Variants in LARP4 observed in about 807,000 individuals in gnomAD.
The protein encoded by LARP4 is La ribonucleoprotein 4, also known as la-related protein 4.
LARP4 carries 29 observed loss-of-function variants against 92.9 expected under a neutral mutation model. The ratio of observed to expected loss-of-function variants is 0.31; its 90% CI spans 0.23 to 0.43. The LOEUF is 0.43. Ranked by LOEUF, LARP4 falls within the 20% of genes least tolerant of loss-of-function variation. LARP4 has a pLI of 1.00. For synonymous variants in LARP4, 279 were observed against 284.1 expected (o/e 0.98, Z 0.18); for missense variants, 732 against 860.0 (o/e 0.85, Z 1.86).
Position 50,427,846 on chromosome 12 carries a change from G to C in LARP4, c.103G>C (p.Val35Leu). The C allele has an allele frequency of 6.2e-7, 1 of 1,604,816 alleles. No homozygotes were observed. Among genetic ancestry groups the C allele is most frequent in the Non-Finnish European group, 8.5e-7 (1 of 1,173,690 alleles). ...IAPGNTDATP[V>L]THGTESSWHE... ...TCCTGGAAATACTGATGCCACCCCA[G>C]TAACTCATGGAACTGAAAGCTCTTG... The change falls in exon 2 of 16, where the codon GTA (valine) becomes CTA (leucine). Residue 35 changes from valine to leucine, a missense_variant. Physicochemically the swap from Val to Leu is conservative, Grantham distance 32 (BLOSUM62 1). Coordinates refer to ENST00000398473, the MANE Select transcript of LARP4 (RefSeq NM_052879.5).
chr12:50,458,644 G>A (rs993212368), intron 10 of LARP4, among the ~76,000 whole-genome samples: 2 of 152,186 alleles, frequency 1.3e-5, no homozygotes, highest in East Asian at 1.9e-4. Context: ...TATATAAACT[G>A]CAAATAATGG....
intron 1 of LARP4, among the ~76,000 whole-genome samples, chr12:50,425,485 A>T (rs980368186): frequency 1.3e-5 from 2 of 152,222 alleles, no homozygotes; most frequent in African/African-American, 2.4e-5. Context: ...AAAATGCTTA[A>T]TGTCAAATAC....
rs1955303242 is a variant in LARP4, at chr12:50,461,132, T to C, written c.1122-3T>C. The C allele has an allele frequency of 1.2e-6, 2 of 1,608,598 alleles. No homozygotes were observed. The highest frequency in any genetic ancestry group is 1.7e-6 in the Non-Finnish European group (2 of 1,175,002). On this transcript the variant is annotated splice_region_variant and splice_polypyrimidine_tract_variant and intron_variant, in intron 10 of 15. Coordinates refer to ENST00000398473, the MANE Select transcript of LARP4 (RefSeq NM_052879.5). ...TGTGTATATCATTTTGTATTTCCTA[T>C]AGTGTGAAGCCTCAGTTTAGGTCAT...
At chr12:50,464,566 T>A (rs1955887862) in intron 12 of LARP4, among the ~76,000 whole-genome samples, 1 of 152,036 alleles carries the variant, frequency 6.6e-6, no homozygotes, top group Non-Finnish European at 1.5e-5. Flanking sequence ...TAATTTTTTG[T>A]ATTTTTAGTA....
At chr12:50,421,729 C>G (rs1387611596) in intron 1 of LARP4, among the ~76,000 whole-genome samples, 1 of 152,118 alleles carries the variant, frequency 6.6e-6, no homozygotes, top group Non-Finnish European at 1.5e-5. Context: ...GGTCTGGTTA[C>G]TATAGCAGGT....
rs994832175 is a variant in LARP4, at chr12:50,478,327, G to A, written c.*2463G>A. 2.6e-5 allele frequency: 4 copies of A among 151,946 alleles called. No homozygotes were observed. Among genetic ancestry groups the A allele is most frequent in the Admixed American group, 2.6e-4 (4 of 15,258 alleles). 9.4% of individuals were successfully genotyped at this position (151,946 alleles called of 1,614,324 possible). On this transcript the variant is annotated 3_prime_UTR_variant, in exon 16 of 16. Transcript: ENST00000398473. ...TATAGGGAAGAGTGAGAGAGTGTGT[G>A]TGTGTGTATGTGTGTGTAATATTTA...
intron 8 of LARP4, among the ~76,000 whole-genome samples, chr12:50,446,380 T>TCCCCCCC (rs1952102965): frequency 1.9e-4 from 1 of 5,350 alleles, no homozygotes; most frequent in African/African-American, 1.9e-3. Flanking sequence ...TCTCTCTCTC[T>TCCCCCCC]CTCTCTCTCT....
intron 10 of LARP4, among the ~76,000 whole-genome samples, chr12:50,460,780 CAA>C (rs374993914): frequency 6.6e-6 from 1 of 151,946 alleles, no homozygotes; most frequent in African/African-American, 2.4e-5. Context: ...CTCTACTAAA[CAA>C]AATACAAAAA....
intron 1 of LARP4, among the ~76,000 whole-genome samples, chr12:50,407,738 G>A (rs1945109346): frequency 6.6e-6 from 1 of 152,082 alleles, no homozygotes; most frequent in Non-Finnish European, 1.5e-5. Flanking sequence ...TTGGGAGGCT[G>A]AGGCACACCT....
chr12:50,460,489 A>G (rs1955177433), intron 10 of LARP4, among the ~76,000 whole-genome samples: 1 of 140,776 alleles, frequency 7.1e-6, no homozygotes, highest in Non-Finnish European at 1.6e-5. Context: ...ACCACTGCAC[A>G]TTTTAATTTT....
Position 50,429,005 on chromosome 12 carries a change from A to C in LARP4, c.237A>C (p.Thr79=), listed in dbSNP as rs369071759. The part of the protein sequence containing the change: ...EVMYSSSCET[T]RNTTGIEEST... Reference sequence around the variant, plus strand: ...TGTATTCTTCATCTTGTGAAACCACAAGAAATACTACAGGCATTGAAGAAT... The same window carrying C: ...TGTATTCTTCATCTTGTGAAACCACCAGAAATACTACAGGCATTGAAGAAT... The change falls in exon 3 of 16, where the codon ACA becomes ACC. Residue 79 remains threonine (T), a synonymous_variant. Transcript: ENST00000398473. 1 of 1,610,934 alleles carries C rather than the reference A, an allele frequency of 6.2e-7. No individual in the cohort carries two copies. Among genetic ancestry groups the C allele is most frequent in the Admixed American group, 1.7e-5 (1 of 59,898 alleles).
At chr12:50,406,542 C>T (rs1347421833) in intron 1 of LARP4, among the ~76,000 whole-genome samples, 2 of 152,114 alleles carry the variant, frequency 1.3e-5, no homozygotes, top group African/African-American at 4.8e-5. Context: ...ACTGTGTTGT[C>T]CAGGCTGGAG....
At chr12:50,475,378 G>T (rs1265105694) in intron 15 of LARP4, 148 bp from the exon 16 acceptor site, 2 of 628,642 alleles carry the variant, frequency 3.2e-6, no homozygotes, top group Non-Finnish European at 2.8e-6. Context: ...GATTGTACCA[G>T]TGTACTCTAA....
At chr12:50,450,400 T>C (rs2138136040) in intron 8 of LARP4, among the ~76,000 whole-genome samples, 1 of 152,332 alleles carries the variant, frequency 6.6e-6, no homozygotes, top group African/African-American at 2.4e-5. Flanking sequence ...GTAGTATTTG[T>C]GTCTACTGGT....
chr12:50,434,599 G>A (rs1368822592), intron 4 of LARP4, among the ~76,000 whole-genome samples: 1 of 150,540 alleles, frequency 6.6e-6, no homozygotes, highest in Non-Finnish European at 1.5e-5. Context: ...TAGAGACGGG[G>A]TTTCACCATG....
intron 13 of LARP4, among the ~76,000 whole-genome samples, chr12:50,470,983 A>G (rs1263321330): frequency 6.6e-6 from 1 of 152,138 alleles, no homozygotes; most frequent in African/African-American, 2.4e-5. Flanking sequence ...TTTGTTTTAC[A>G]ACCCTTTAAT....
At chr12:50,451,510 C>T in intron 8 of LARP4, among the ~76,000 whole-genome samples, 1 of 152,024 alleles carries the variant, frequency 6.6e-6, no homozygotes, top group Middle Eastern at 3.2e-3. Flanking sequence ...CCAGCCTGGC[C>T]AACATGGTGA....
chr12:50,458,153 G>A (rs1049585542), intron 10 of LARP4, among the ~76,000 whole-genome samples: 1 of 151,434 alleles, frequency 6.6e-6, no homozygotes, highest in Admixed American at 6.6e-5. Flanking sequence ...TGTGCAGGCT[G>A]GTCTCAAACT....
Position 50,461,135 on chromosome 12 carries a change from T to C in LARP4, c.1122T>C (p.Arg374=), listed in dbSNP as rs1955303759. 2 of 1,610,254 alleles carry C rather than the reference T, an allele frequency of 1.2e-6. No individual in the cohort carries two copies. The highest frequency in any genetic ancestry group is 2.7e-5 in the African/African-American group (2 of 74,822). ...MNMGRPFQKN[R]VKPQFRSSGG... ...GTATATCATTTTGTATTTCCTATAG[T>C]GTGAAGCCTCAGTTTAGGTCATCTG... is the stretch of plus-strand genomic sequence containing the variant. The change falls in exon 11 of 16, where the codon CGT becomes CGC. Residue 374 remains arginine, a splice_region_variant and synonymous_variant. Coordinates refer to ENST00000398473, the MANE Select transcript of LARP4 (RefSeq NM_052879.5).
Sources: allele counts gnomAD v4.1 joint callset (sites outside exome capture counted in the v4.1 genomes callset), GRCh38; gene constraint gnomAD v4.1.1; transcripts MANE v1.5; gene names NCBI Gene and HGNC (gene_info 2026-07-23, HGNC 2026-07-21).